Variants in RARB observed in about 807,000 individuals in gnomAD.
RARB encodes HBV-activated protein.
Under a neutral mutation model 51.9 loss-of-function variants are expected in RARB, and 17 were observed. The ratio of observed to expected loss-of-function variants is 0.33; its 90% confidence interval spans 0.22 to 0.49. The LOEUF (loss-of-function observed/expected upper bound fraction) is 0.49. RARB is among the 20% of genes least tolerant of loss of function. The pLI is 0.99. For missense variants in RARB, 369 were observed against 550.8 expected, an observed-to-expected ratio of 0.67 and a Z score of 3.30; for synonymous variants, 215 against 195.4, an observed-to-expected ratio of 1.10 and a Z score of -0.84.
At position 24,925,108 on chromosome 3, in the gene RARB, T is replaced by C. The variant is rs116725816; in HGVS notation, c.-380+66356T>C. ...TTTTTCTTTTCGCAGCCCTCTCATA[T>C]GCATTAACCAGTGAAATGAAACAAA... On this transcript the variant is annotated intron_variant, in intron 2 of 11. Coordinates refer to the RARB transcript ENST00000383772. Among the ~76,000 whole-genome samples the C allele has an allele frequency of 1.9e-3, 291 of 152,222 alleles. 1 individual carries two copies. Among genetic ancestry groups the C allele is most frequent in the African/African-American group, 6.1e-3 (255 of 41,540 alleles).
chr3:25,563,929 A>G (rs1188352699), intron 3 of RARB, among the ~76,000 whole-genome samples: 5 of 149,162 alleles, frequency 3.4e-5, no homozygotes, highest in Non-Finnish European at 7.4e-5. Flanking sequence ...GGACAAAAAT[A>G]CCATCAATTG....
At chr3:25,244,278 T>TA (rs1702501862) in intron 5 of RARB, among the ~76,000 whole-genome samples, 1 of 151,642 alleles carries the variant, frequency 6.6e-6, no homozygotes, top group Non-Finnish European at 1.5e-5. Context: ...ATTGATTTTT[T>TA]TTTTTTTTTG....
intron 5 of RARB, among the ~76,000 whole-genome samples, chr3:25,587,525 T>C (rs955411376): frequency 5.3e-5 from 8 of 152,224 alleles, no homozygotes. Flanking sequence ...TCTCTTAACA[T>C]TGCAAAACAA....
intron 5 of RARB, among the ~76,000 whole-genome samples, chr3:25,309,731 G>C (rs1033885494): frequency 6.6e-6 from 1 of 151,684 alleles, no homozygotes; most frequent in Admixed American, 6.6e-5. Flanking sequence ...TCCTGACCTC[G>C]TGATCCGCCA....
At chr3:25,511,916 CG>C (rs1286636169) in intron 3 of RARB, among the ~76,000 whole-genome samples, 6 of 152,004 alleles carry the variant, frequency 3.9e-5, no homozygotes, top group Non-Finnish European at 8.8e-5. Flanking sequence ...TTTAAGCATC[CG>C]GGGGAACTGA....
In RARB at chr3:25,515,770, CA is replaced by C. The variant is rs1698133898; in HGVS notation, c.448+14451del. 2.0e-5 allele frequency among the ~76,000 whole-genome samples: 3 copies of C among 152,214 alleles called. No individual in the cohort carries two copies. The South Asian group carries it at 6.2e-4, about 32-fold the overall frequency. ...TACCCTCAGAAAGGAGGTATTGACT[CA>C]AAAGAGCCACATGGAATCCCTGTGG... is the stretch of plus-strand genomic sequence containing the variant. On this transcript the variant is annotated intron_variant, in intron 3 of 7. Transcript: ENST00000330688.
Position 25,037,190 on chromosome 3 carries a change from C to T in RARB, c.-379-22935C>T, listed in dbSNP as rs534296213. 2.0e-4 allele frequency among the ~76,000 whole-genome samples: 31 copies of T among 151,294 alleles called. 1 individual carries two copies. In the South Asian group the frequency reaches 2.9e-3, roughly 14 times the overall value. On this transcript the variant is annotated intron_variant, in intron 2 of 11. Transcript: ENST00000383772. ...AAATAGCTCTGATTGACTTTTGTAT[C>T]GTGCACATCTGGAAGCAATTTATGG...
At chr3:24,881,352 T>G (rs1703155516) in intron 2 of RARB, among the ~76,000 whole-genome samples, 1 of 152,190 alleles carries the variant, frequency 6.6e-6, no homozygotes, top group African/African-American at 2.4e-5. Flanking sequence ...ATCAAAATTT[T>G]TGATAACTGC....
At chr3:25,022,079 A>C (rs370576476) in intron 2 of RARB, among the ~76,000 whole-genome samples, 1 of 152,340 alleles carries the variant, frequency 6.6e-6, no homozygotes, top group South Asian at 2.1e-4. Flanking sequence ...GATAAGTGCA[A>C]CAAAGAACAA....
chr3:24,969,515 G>C (rs1197360298), intron 2 of RARB, among the ~76,000 whole-genome samples: 1 of 152,088 alleles, frequency 6.6e-6, no homozygotes, highest in East Asian at 1.9e-4. Context: ...CCTTTCAGGG[G>C]TTGAGCTCAA....
chr3:25,227,101 G>A (rs1406291944), intron 5 of RARB, among the ~76,000 whole-genome samples: 2 of 152,196 alleles, frequency 1.3e-5, no homozygotes, highest in Admixed American at 6.5e-5. Context: ...AGACATGCAG[G>A]GCTGGGACAG....
intron 2 of RARB, among the ~76,000 whole-genome samples, chr3:25,483,322 C>G (rs1477088057): frequency 6.6e-6 from 1 of 152,114 alleles, no homozygotes; most frequent in East Asian, 1.9e-4. Context: ...ATAGTCTTCA[C>G]TAGTTTATTT....
rs570436591 is a variant in RARB at position 24,974,646 on chromosome 3, T to A, written c.-379-85479T>A. On this transcript the variant is annotated intron_variant, in intron 2 of 11. Coordinates refer to the RARB transcript ENST00000383772. ...CTGTGGATTCATTAGGCTCCTAATA[T>A]AGTAAATCAAATCAATATGTGCATT... Among the ~76,000 whole-genome samples, 8 of 152,236 alleles carry A rather than the reference T, an allele frequency of 5.3e-5. No individual in the cohort carries two copies. The South Asian group carries it at 1.7e-3, about 32-fold the overall frequency.
At chr3:24,850,918 G>A (rs1413756087) in intron 1 of RARB, among the ~76,000 whole-genome samples, 1 of 152,172 alleles carries the variant, frequency 6.6e-6, no homozygotes, top group African/African-American at 2.4e-5. Flanking sequence ...AAACAGGGAA[G>A]CAAGTACTCA....
chr3:24,905,883 A>T (rs775530182), intron 2 of RARB, among the ~76,000 whole-genome samples: 13 of 152,194 alleles, frequency 8.5e-5, no homozygotes, highest in Admixed American at 2.6e-4. Context: ...CTATTTTACC[A>T]TGATTATATT....
intron 2 of RARB, among the ~76,000 whole-genome samples, chr3:24,925,919 T>G (rs772387955): frequency 6.6e-6 from 1 of 152,044 alleles, no homozygotes; most frequent in African/African-American, 2.4e-5. Flanking sequence ...TGTAAGTTAT[T>G]TTGGTTTTAC....
intron 5 of RARB, among the ~76,000 whole-genome samples, chr3:25,340,991 G>T (rs917355058): frequency 2.0e-5 from 3 of 152,120 alleles, no homozygotes; most frequent in Admixed American, 2.0e-4. Context: ...TAACCTCCTA[G>T]GTGCTGAATT....
intron 4 of RARB, among the ~76,000 whole-genome samples, chr3:25,156,038 GC>G (rs1297651266): frequency 2.0e-5 from 3 of 152,010 alleles, no homozygotes; most frequent in Non-Finnish European, 4.4e-5. Flanking sequence ...TTTTTGCCTG[GC>G]AATTTTTCGA....
chr3:24,837,319 A>T (rs1702357987), intron 1 of RARB, among the ~76,000 whole-genome samples: 1 of 152,182 alleles, frequency 6.6e-6, no homozygotes, highest in South Asian at 2.1e-4. Context: ...CTTCTTTAAG[A>T]TTTTTCCACT....
Sources: allele counts gnomAD v4.1 joint callset (sites outside exome capture counted in the v4.1 genomes callset), GRCh38; gene constraint gnomAD v4.1.1; transcripts MANE v1.5; gene names NCBI Gene and HGNC (gene_info 2026-07-23, HGNC 2026-07-21).